KIF1A: variants seen among roughly 807,000 people sequenced by gnomAD.
KIF1A encodes kinesin family member 1A.
A neutral mutation model predicts 227.3 loss-of-function variants in KIF1A; 46 were observed. The observed-to-expected ratio is 0.20, with a 90% CI of 0.16 to 0.26. KIF1A has a LOEUF of 0.26. Among genes scored for constraint, KIF1A ranks in the 10% least tolerant of loss-of-function variants. The pLI is 1.00. For synonymous variants in KIF1A, 1,022 were observed against 1,012.8 expected (o/e 1.01, Z -0.17); for missense variants, 1,683 against 2,485.9 (o/e 0.68, Z 6.87).
intron 1 of KIF1A, among the ~76,000 whole-genome samples, chr2:240,814,253 G>A (rs1321621870): frequency 6.6e-6 from 1 of 152,024 alleles, no homozygotes; most frequent in Non-Finnish European, 1.5e-5. Flanking sequence ...CATGAAGTTA[G>A]AACACCAAGG....
At chr2:240,723,903 T>C (rs1484322389) in intron 41 of KIF1A, 72 bp downstream of exon 41, 1 of 1,280,908 alleles carries the variant, frequency 7.8e-7, no homozygotes, top group African/African-American at 1.5e-5. Flanking sequence ...GCAGCTTCGC[T>C]GTGGTCACCC....
At chr2:240,777,853 T>C (rs2052982900) in intron 10 of KIF1A, among the ~76,000 whole-genome samples, 1 of 152,162 alleles carries the variant, frequency 6.6e-6, no homozygotes, top group Non-Finnish European at 1.5e-5. Context: ...CTCGCGCGGC[T>C]CCTTCAAAAG....
chr2:240,799,852 T>C (rs890408973), intron 1 of KIF1A, among the ~76,000 whole-genome samples: 1 of 152,272 alleles, frequency 6.6e-6, no homozygotes, highest in African/African-American at 2.4e-5. Flanking sequence ...AAAATATTGA[T>C]GAAAGCAGAT....
At chr2:240,741,410 G>C in intron 34 of KIF1A, 33 bp from the exon 35 acceptor site, 1 of 1,468,492 alleles carries the variant, frequency 6.8e-7, no homozygotes, top group Non-Finnish European at 9.1e-7. Context: ...TGCATGGATG[G>C]GAGACCTGAC....
rs79085104 is a variant in KIF1A, at chr2:240,793,098, C to A, written c.107-3786G>T. ...TGTAACAGCAGCCCCAGGGACCACA[C>A]GGGTGCTACTGCTGCCCGTGCAGAG... On this transcript the variant is annotated intron_variant, in intron 2 of 48. Coordinates refer to ENST00000498729, the MANE Select transcript of KIF1A (RefSeq NM_001244008.2). This position sits in a 1 kb window ranked among gnomAD's most constrained non-coding sequence, Gnocchi z 4.8. Among the ~76,000 whole-genome samples, 1,366 of 152,332 alleles carry A rather than the reference C, an allele frequency of 9.0e-3. 13 individuals are homozygous for A. Among genetic ancestry groups the A allele is most frequent in the African/African-American group, 0.031 (1,278 of 41,584 alleles).
rs376897164 is a variant in KIF1A at position 240,767,025 on chromosome 2, C to A, written c.1578-4G>T. The A allele has an allele frequency of 1.2e-6, 2 of 1,600,056 alleles. No homozygotes were observed. Among genetic ancestry groups the A allele is most frequent in the Non-Finnish European group, 1.7e-6 (2 of 1,171,632 alleles). ...CTCGCCATCCTCCCTGCCCACTCTGCGGGGTGGGGGCACCATCAGCACGGC... is the reference window on the plus strand; with the variant it reads ...CTCGCCATCCTCCCTGCCCACTCTGAGGGGTGGGGGCACCATCAGCACGGC... On this transcript the variant is annotated splice_polypyrimidine_tract_variant and splice_region_variant and intron_variant, in intron 18 of 48. Transcript: ENST00000498729.
chr2:240,741,354 G>C lies in KIF1A; in HGVS notation c.3664C>G (p.Leu1222Val). The change falls in exon 35 of 49, where the codon CTG (leucine) becomes GTG (valine). Residue 1222 changes from leucine (L) to valine (V), a missense_variant. This residue lies in a region of KIF1A where 759 missense variants were observed against 1,020.2 expected (regional missense o/e 0.74). Coordinates refer to ENST00000498729, the MANE Select transcript of KIF1A (RefSeq NM_001244008.2). ...CAGGGTCCCGGACAGGGCCGCGTCA[G>C]TGTGCTGAGCTTGGTGGCGGGCACT... is the stretch of plus-strand genomic sequence containing the variant. ...KPVPATKLST[L>V]TRPCPGPCHC... 6.3e-7 allele frequency: 1 copy of C among 1,585,138 alleles called. No homozygotes were observed.
intron 1 of KIF1A, among the ~76,000 whole-genome samples, chr2:240,800,504 G>A (rs989818239): frequency 1.3e-5 from 2 of 152,308 alleles, no homozygotes; most frequent in Admixed American, 6.5e-5. Context: ...CCTCCGGGGT[G>A]TATTTGCATT....
intron 23 of KIF1A, 25 bp from the exon 24 acceptor site, chr2:240,761,402 C>T (rs1176189483): frequency 6.4e-7 from 1 of 1,558,762 alleles, no homozygotes; most frequent in Admixed American, 1.8e-5. Flanking sequence ...CACACGTGGT[C>T]ATCGCAGGAA....
chr2:240,737,112 A>G lies in KIF1A; in HGVS notation c.3958T>C (p.Ser1320Pro). ...TATCCGGAAGAGAGGATGTTGAGAG[A>G]CAAGATGTTGGGGTCGATCAGGGAC... ...DESLIDPNIL[S>P]LNILSSGYIH... The change falls in exon 38 of 49, where the codon TCT becomes CCT. Residue 1320 changes from serine (S) to proline (P), a missense_variant. Around this residue, in one of 12 missense-constraint regions of KIF1A, gnomAD observed 759 missense variants for 1,020.2 expected, o/e 0.74. Coordinates refer to ENST00000498729, the MANE Select transcript of KIF1A (RefSeq NM_001244008.2). 6.2e-7 allele frequency: 1 copy of G among 1,613,690 alleles called. No homozygotes were observed. Among genetic ancestry groups the G allele is most frequent in the Non-Finnish European group, 8.5e-7 (1 of 1,179,696 alleles).
chr2:240,749,041 G>A (rs956499801), intron 28 of KIF1A, among the ~76,000 whole-genome samples: 8 of 151,806 alleles, frequency 5.3e-5, no homozygotes, highest in South Asian at 2.1e-4. Flanking sequence ...CAGGAGAATC[G>A]CTTGAACTGG....
Position 240,778,736 on chromosome 2 carries a change from C to T in KIF1A, c.883-2810G>A, listed in dbSNP as rs1438384416. On this transcript the variant is annotated intron_variant, in intron 10 of 48. Transcript: ENST00000498729. The surrounding 1 kb of genome is among the most constrained non-coding windows in gnomAD (Gnocchi z 7.2). ...CCTCACACTCCCCGACAACCCCTCGCACACGTCTCTGCAGCTTTCCTCACG... is the reference window on the plus strand; with the variant it reads ...CCTCACACTCCCCGACAACCCCTCGTACACGTCTCTGCAGCTTTCCTCACG... 6.6e-6 allele frequency among the ~76,000 whole-genome samples: 1 copy of T among 151,832 alleles called. No individual in the cohort carries two copies. Among genetic ancestry groups the T allele is most frequent in the African/African-American group, 2.4e-5 (1 of 41,282 alleles).
chr2:240,721,043 G>A lies in KIF1A; in HGVS notation c.4744-5C>T, dbSNP rs117815481. 2.5e-4 allele frequency: 410 copies of A among 1,611,786 alleles called. No individual in the cohort carries two copies. The highest frequency in any genetic ancestry group is 2.4e-3 in the East Asian group (109 of 44,856). On this transcript the variant is annotated splice_region_variant and splice_polypyrimidine_tract_variant and intron_variant, in intron 44 of 48. Transcript: ENST00000498729. ...GGTGACAGACATCTCGGAGAGCTGC[G>A]GAGGAGAGGCCTTTTTCAGGGGACA...
rs115893625 is a variant in KIF1A, at chr2:240,780,640, C to A, written c.882+1950G>T. On this transcript the variant is annotated intron_variant, in intron 10 of 48. Coordinates refer to ENST00000498729, the MANE Select transcript of KIF1A (RefSeq NM_001244008.2). ...CAGCTCATGTTCCCACGCAGCTACCCTCAGGCCCCCAGAGTTCCTCGGGTT... is the reference window on the plus strand; with the variant it reads ...CAGCTCATGTTCCCACGCAGCTACCATCAGGCCCCCAGAGTTCCTCGGGTT... Among the ~76,000 whole-genome samples the A allele has an allele frequency of 8.0e-3, 1,212 of 152,102 alleles. 22 individuals are homozygous for A. Among genetic ancestry groups the A allele is most frequent in the African/African-American group, 0.028 (1,175 of 41,444 alleles).
Position 240,789,400 on chromosome 2 carries a change from T to C in KIF1A, c.107-88A>G, listed in dbSNP as rs1575639288. ...ACACTCCAAGGTGGGGAGATGGTCT[T>C]AAGAGGCCTCGGGCCCCAGACAAGC... On this transcript the variant is annotated intron_variant, in intron 2 of 48. Coordinates refer to ENST00000498729, the MANE Select transcript of KIF1A (RefSeq NM_001244008.2). The surrounding 1 kb of genome is among the most constrained non-coding windows in gnomAD (Gnocchi z 4.8). 3.5e-6 allele frequency: 4 copies of C among 1,137,174 alleles called. No individual in the cohort carries two copies. The highest frequency in any genetic ancestry group is 5.3e-6 in the Non-Finnish European group (4 of 753,940). 70.4% of individuals were successfully genotyped at this position (1,137,174 alleles called of 1,614,324 possible).
intron 2 of KIF1A, among the ~76,000 whole-genome samples, chr2:240,796,801 A>C (rs933815135): frequency 1.3e-5 from 2 of 152,132 alleles, no homozygotes; most frequent in Non-Finnish European, 2.9e-5. Flanking sequence ...AGAGCCCAGA[A>C]CACCCCCAGT....
At chr2:240,797,523 A>C (rs2056536022) in intron 2 of KIF1A, 124 bp downstream of exon 2, 1 of 674,410 alleles carries the variant, frequency 1.5e-6, no homozygotes, top group Non-Finnish European at 2.7e-6. Context: ...CCCACACGCC[A>C]CATAGACAAG....
At chr2:240,743,819 T>C (rs997410307) in intron 33 of KIF1A, 123 bp downstream of exon 33, 1 of 644,110 alleles carries the variant, frequency 1.6e-6, no homozygotes, top group African/African-American at 1.8e-5. Flanking sequence ...GCCTCCTGGA[T>C]GGGCAGGGGA....
chr2:240,785,070 G>A lies in KIF1A; in HGVS notation c.639C>T (p.Thr213=), dbSNP rs375365975. The change falls in exon 7 of 49, where the codon ACC becomes ACT. Residue 213 remains threonine (T), a synonymous_variant. Coordinates refer to ENST00000498729, the MANE Select transcript of KIF1A (RefSeq NM_001244008.2). ...TGAAGACGGCGTGGGAGCGACTGCT[G>A]GTCTCATTCATGTTGGTGGCCGCCA... ...RTVAATNMNE[T]SSRSHAVFNI... is the part of the protein sequence containing the mutation. 20 of 1,613,214 alleles carry A rather than the reference G, an allele frequency of 1.2e-5. No homozygotes were observed. Among genetic ancestry groups the A allele is most frequent in the Non-Finnish European group, 1.4e-5 (17 of 1,179,736 alleles).
Sources: allele counts gnomAD v4.1 joint callset (sites outside exome capture counted in the v4.1 genomes callset), GRCh38; gene constraint gnomAD v4.1.1; regional missense constraint gnomAD v4.1.1; non-coding constraint Gnocchi (gnomAD v3.1); transcripts MANE v1.5; gene names NCBI Gene and HGNC (gene_info 2026-07-23, HGNC 2026-07-21).